CPED1: variants seen among roughly 807,000 people sequenced by gnomAD.
CPED1 encodes the protein cadherin-like and PC-esterase domain-containing protein 1.
A neutral mutation model predicts 128.2 loss-of-function variants in CPED1; 114 were observed. That is an observed-to-expected ratio of 0.89 (90% CI 0.76 to 1.04). The LOEUF (loss-of-function observed/expected upper bound fraction) is 1.04. Among genes scored for constraint, CPED1 ranks in the 50% least tolerant of loss-of-function variants. The probability of loss-of-function intolerance (pLI) is 0.00; values close to 1 mark genes in which losing one functional copy is unlikely to be tolerated. For synonymous variants in CPED1, 462 were observed against 426.7 expected, an observed-to-expected ratio of 1.08 and a Z score of -1.02; for missense variants, 1,211 against 1,207.1, an observed-to-expected ratio of 1.00 and a Z score of -0.05.
intron 5 of CPED1, among the ~76,000 whole-genome samples, chr7:121,072,718 C>A (rs1794025732): frequency 6.6e-6 from 1 of 152,120 alleles, no homozygotes; most frequent in Admixed American, 6.6e-5. Flanking sequence ...AGACACACGG[C>A]AGTTCACAGA....
At chr7:121,051,992 A>G (rs749191238) in intron 4 of CPED1, 5 of 152,248 alleles carry the variant, frequency 3.3e-5, no homozygotes, top group Non-Finnish European at 5.9e-5. Context: ...ATAAAATCTC[A>G]ATTATGAAAG....
At chr7:121,161,924 T>C (rs1436544170) in intron 16 of CPED1, among the ~76,000 whole-genome samples, 1 of 152,190 alleles carries the variant, frequency 6.6e-6, no homozygotes, top group Non-Finnish European at 1.5e-5. Flanking sequence ...ACCTTACAAG[T>C]TGAGATTCTT....
intron 17 of CPED1, among the ~76,000 whole-genome samples, chr7:121,238,219 G>A (rs751789514): frequency 3.7e-4 from 56 of 152,088 alleles, no homozygotes; most frequent in Admixed American, 5.2e-4. Flanking sequence ...TGGCCTTCTG[G>A]TACTTAAGGA....
At chr7:121,256,132 A>AAAAAAAAAAAAAAAAAAAAAAAAAAAC (rs1562852772) in intron 18 of CPED1, among the ~76,000 whole-genome samples, 1 of 147,966 alleles carries the variant, frequency 6.8e-6, no homozygotes, top group African/African-American at 2.5e-5. Context: ...AACAAAACAA[A>AAAAAAAAAAAAAAAAAAAAAAAAAAAC]AAAAAAAAAC....
At chr7:121,051,302 T>C (rs967458216) in intron 4 of CPED1, 20 of 462,236 alleles carry the variant, frequency 4.3e-5, no homozygotes, top group Non-Finnish European at 7.0e-5. Context: ...GCAAGTTTTT[T>C]AGTAGCTCTA....
chr7:121,186,845 G>T (rs1797014992), intron 16 of CPED1, among the ~76,000 whole-genome samples: 1 of 152,118 alleles, frequency 6.6e-6, no homozygotes, highest in Admixed American at 6.6e-5. Context: ...TCTCAAGAGG[G>T]TCAAAATCCA....
chr7:121,130,077 C>T, intron 11 of CPED1, 48 bp from the exon 12 acceptor site: 2 of 1,406,978 alleles, frequency 1.4e-6, no homozygotes, highest in South Asian at 1.2e-5. Context: ...AGTAATACTA[C>T]ATTATAATTT....
chr7:121,055,967 G>A (rs1392506906), intron 4 of CPED1, among the ~76,000 whole-genome samples: 1 of 151,860 alleles, frequency 6.6e-6, no homozygotes, highest in Non-Finnish European at 1.5e-5. Context: ...TCTGGTCAGA[G>A]GATTGAACAA....
At position 121,261,769 on chromosome 7, in the gene CPED1, G is replaced by A. The variant is rs1792023785; in HGVS notation, c.2311-4458G>A. On this transcript the variant is annotated intron_variant, in intron 18 of 22. Coordinates refer to ENST00000310396, the MANE Select transcript of CPED1 (RefSeq NM_024913.5). ...AATCACCTGGACTATTTTTCTGAGAGAGTAATAAACTTTAATTGGGTTTGA... is the reference window on the plus strand; with the variant it reads ...AATCACCTGGACTATTTTTCTGAGAAAGTAATAAACTTTAATTGGGTTTGA... 8 of 1,541,870 alleles carry A rather than the reference G, an allele frequency of 5.2e-6. No individual in the cohort carries two copies. In the South Asian group the frequency reaches 9.6e-5, roughly 19 times the overall value.
chr7:121,293,798 C>A (rs76483634), intron 22 of CPED1, among the ~76,000 whole-genome samples: 3,610 of 151,926 alleles, frequency 0.024, 124 homozygotes, highest in South Asian at 0.13. Context: ...GGTGAGGCAA[C>A]GCCTCACCCT....
Position 121,065,324 on chromosome 7 carries a change from A to G in CPED1, c.616+1011A>G, listed in dbSNP as rs370364824. On this transcript the variant is annotated intron_variant, in intron 5 of 22. Coordinates refer to ENST00000310396, the MANE Select transcript of CPED1 (RefSeq NM_024913.5). The stretch of plus-strand genomic sequence containing the variant: ...GTTATTGTTTTATATGACAATTATA[A>G]CTGACTACATAAGCTGAATTTTTTT... Among the ~76,000 whole-genome samples, 8 of 152,336 alleles carry G rather than the reference A, an allele frequency of 5.3e-5. 1 individual carries two copies. The highest frequency in any genetic ancestry group is 1.9e-4 in the African/African-American group (8 of 41,584).
intron 2 of CPED1, among the ~76,000 whole-genome samples, chr7:121,008,864 A>G (rs1471845880): frequency 1.3e-5 from 2 of 152,184 alleles, no homozygotes; most frequent in Non-Finnish European, 2.9e-5. Flanking sequence ...CAAAAATGTT[A>G]AATAGACAAA....
chr7:121,197,493 T>C (rs1797296877), intron 16 of CPED1, among the ~76,000 whole-genome samples: 1 of 152,168 alleles, frequency 6.6e-6, no homozygotes, highest in Non-Finnish European at 1.5e-5. Context: ...GTCCTATGAT[T>C]ATCCTTCTTT....
chr7:121,199,407 C>A (rs189676807), intron 16 of CPED1, among the ~76,000 whole-genome samples: 1 of 151,724 alleles, frequency 6.6e-6, no homozygotes, highest in African/African-American at 2.4e-5. Context: ...GGGCTGAGCG[C>A]GGTGGCTCAC....
chr7:121,095,865 T>C (rs1402510739), intron 5 of CPED1, among the ~76,000 whole-genome samples: 1 of 152,162 alleles, frequency 6.6e-6, no homozygotes, highest in African/African-American at 2.4e-5. Flanking sequence ...AAATCAATTC[T>C]GTGCTTTTTG....
intron 4 of CPED1, among the ~76,000 whole-genome samples, chr7:121,054,664 G>T (rs953624464): frequency 1.2e-5 from 1 of 83,070 alleles, no homozygotes; most frequent in Non-Finnish European, 3.1e-5. Context: ...AATCAGGGTT[G>T]AGGTTTTTTT....
At chr7:121,105,225 G>A (rs533403370) in intron 7 of CPED1, among the ~76,000 whole-genome samples, 7 of 152,176 alleles carry the variant, frequency 4.6e-5, no homozygotes, top group Non-Finnish European at 8.8e-5. Context: ...ATTCATTTTG[G>A]AAATATGACA....
intron 18 of CPED1, among the ~76,000 whole-genome samples, chr7:121,261,064 T>G (rs1792006037): frequency 6.6e-6 from 1 of 152,074 alleles, no homozygotes; most frequent in African/African-American, 2.4e-5. Flanking sequence ...CCAACTTGAT[T>G]CTTTAACTAT....
At chr7:121,047,947 C>T (rs1305715823) in intron 4 of CPED1, among the ~76,000 whole-genome samples, 2 of 152,024 alleles carry the variant, frequency 1.3e-5, no homozygotes, top group Admixed American at 1.3e-4. Context: ...ACTTCGCGAT[C>T]CGCCCGCTTC....
Sources: allele counts gnomAD v4.1 joint callset (sites outside exome capture counted in the v4.1 genomes callset), GRCh38; gene constraint gnomAD v4.1.1; transcripts MANE v1.5; gene names NCBI Gene and HGNC (gene_info 2026-07-23, HGNC 2026-07-21).